SLC7A1: variants seen among roughly 807,000 people sequenced by gnomAD.
The protein encoded by SLC7A1 is high affinity cationic amino acid transporter 1.
In SLC7A1, 10 loss-of-function variants were observed where a neutral mutation model predicts 53.9. That is an observed-to-expected ratio of 0.19 (90% confidence interval 0.11 to 0.31). The LOEUF is 0.31. SLC7A1 is among the 10% of genes least tolerant of loss of function. The pLI is 1.00. For missense variants in SLC7A1, 525 were observed against 827.2 expected, an observed-to-expected ratio of 0.63 and a Z score of 4.48; for synonymous variants, 342 against 338.7, an observed-to-expected ratio of 1.01 and a Z score of -0.11.
intron 2 of SLC7A1, among the ~76,000 whole-genome samples, chr13:29,536,899 CT>C (rs199660864): frequency 0.012 from 1,762 of 152,336 alleles, 26 homozygotes; most frequent in African/African-American, 0.039. Flanking sequence ...ATATGCATAT[CT>C]GATATGCTCT....
At chr13:29,581,740 G>C (rs1160066209) in intron 1 of SLC7A1, among the ~76,000 whole-genome samples, 1 of 152,090 alleles carries the variant, frequency 6.6e-6, no homozygotes, top group Non-Finnish European at 1.5e-5. Context: ...CACCTCATCT[G>C]CCCATTAATT....
chr13:29,553,043 C>T lies in SLC7A1; in HGVS notation c.-15+718G>A, dbSNP rs280946. Among the ~76,000 whole-genome samples the T allele has an allele frequency of 3.0e-3, 450 of 152,270 alleles. 3 individuals are homozygous for T. The highest frequency in any genetic ancestry group is 0.01 in the African/African-American group (422 of 41,552). ...GACCGCCCCCCTGCCCCACTTGGCT[C>T]TTATGCCCACTTGGAATTAACTCTC... On this transcript the variant is annotated intron_variant, in intron 2 of 12. Coordinates refer to ENST00000380752, the MANE Select transcript of SLC7A1 (RefSeq NM_003045.5).
In SLC7A1 at chr13:29,513,720, G is replaced by C. The variant is rs1050534833; in HGVS notation, c.*760C>G. On this transcript the variant is annotated 3_prime_UTR_variant, in exon 13 of 13. Transcript: ENST00000380752. ...AGCAAGAACTGGCCCAGGCCTGGAG[G>C]CCGTGAGCTGAAGGTCCCTGGTTTA... 1 of 152,784 alleles carries C rather than the reference G, an allele frequency of 6.5e-6. No individual in the cohort carries two copies. The highest frequency in any genetic ancestry group is 2.4e-5 in the African/African-American group (1 of 41,492). 9.5% of individuals were successfully genotyped at this position (152,784 alleles called of 1,614,324 possible).
At chr13:29,533,103 A>T in intron 3 of SLC7A1, 121 bp from the exon 4 acceptor site, 1 of 960,106 alleles carries the variant, frequency 1.0e-6, no homozygotes, top group Non-Finnish European at 1.5e-6. Flanking sequence ...GGAATCTGGC[A>T]GCAGCAGCCA....
At chr13:29,536,995 C>T (rs889460695) in intron 2 of SLC7A1, among the ~76,000 whole-genome samples, 4 of 152,376 alleles carry the variant, frequency 2.6e-5, no homozygotes, top group African/African-American at 9.6e-5. Flanking sequence ...ACACCTTGTG[C>T]CTTGTGGGAT....
intron 1 of SLC7A1, among the ~76,000 whole-genome samples, chr13:29,566,783 TG>T (rs1162601736): frequency 2.0e-5 from 3 of 152,226 alleles, no homozygotes; most frequent in Admixed American, 6.5e-5. Flanking sequence ...AACTATTTTT[TG>T]TAAAAAAAGT....
chr13:29,583,702 A>G (rs1871752254), intron 1 of SLC7A1, among the ~76,000 whole-genome samples: 1 of 152,202 alleles, frequency 6.6e-6, no homozygotes, highest in Non-Finnish European at 1.5e-5. Flanking sequence ...CAGACCACAG[A>G]GTCTTTCAGT....
At chr13:29,582,577 A>AG (rs1288115393) in intron 1 of SLC7A1, among the ~76,000 whole-genome samples, 3 of 152,238 alleles carry the variant, frequency 2.0e-5, no homozygotes, top group African/African-American at 7.2e-5. Context: ...TGGGCAGATC[A>AG]GGTCTCCCTG....
chr13:29,579,337 C>T (rs1871544549), intron 1 of SLC7A1, among the ~76,000 whole-genome samples: 5 of 151,616 alleles, frequency 3.3e-5, no homozygotes, highest in Admixed American at 3.3e-4. Context: ...CTGCCCCTGT[C>T]ATGAATGGAT....
intron 1 of SLC7A1, among the ~76,000 whole-genome samples, chr13:29,573,399 G>T (rs1400409679): frequency 6.6e-6 from 1 of 152,144 alleles, no homozygotes; most frequent in South Asian, 2.1e-4. Context: ...CCAGAATCGC[G>T]GGGAACACCA....
intron 8 of SLC7A1, among the ~76,000 whole-genome samples, chr13:29,521,947 A>C (rs779350403): frequency 1.2e-4 from 18 of 152,230 alleles, no homozygotes; most frequent in Non-Finnish European, 2.5e-4. Flanking sequence ...CCGAATTTCC[A>C]GGTACTGGCG....
Position 29,517,629 on chromosome 13 carries a change from T to A in SLC7A1, c.1454A>T (p.Asn485Ile). 1 of 1,613,984 alleles carries A rather than the reference T, an allele frequency of 6.2e-7. No individual in the cohort carries two copies. The highest frequency in any genetic ancestry group is 8.5e-7 in the Non-Finnish European group (1 of 1,179,854). ...CCCAGAGATTTTGGAAGGCTCCATG[T>A]TTTTGGGTGAGAGTATGGTTTTCAA... is the stretch of plus-strand genomic sequence containing the variant. ...FSLKTILSPK[N>I]MEPSKISGLI... The change falls in exon 10 of 13, where the codon AAC becomes ATC. Residue 485 changes from asparagine (N) to isoleucine (I), a missense_variant. Coordinates refer to ENST00000380752, the MANE Select transcript of SLC7A1 (RefSeq NM_003045.5).
At chr13:29,578,094 G>A (rs371174604) in intron 1 of SLC7A1, among the ~76,000 whole-genome samples, 11 of 152,200 alleles carry the variant, frequency 7.2e-5, no homozygotes, top group African/African-American at 2.4e-4. Flanking sequence ...GAGACTCTGA[G>A]GGCATTTCTT....
chr13:29,546,022 C>T (rs1197508339), intron 2 of SLC7A1, among the ~76,000 whole-genome samples: 1 of 152,182 alleles, frequency 6.6e-6, no homozygotes, highest in African/African-American at 2.4e-5. Context: ...ACAACAAAAA[C>T]AGGTATCCTA....
intron 1 of SLC7A1, among the ~76,000 whole-genome samples, chr13:29,593,612 A>G (rs1872193397): frequency 6.6e-6 from 1 of 152,266 alleles, no homozygotes; most frequent in Non-Finnish European, 1.5e-5. Flanking sequence ...GCCCTCCAAC[A>G]TAATTATCTA....
chr13:29,592,079 G>A (rs1872133428), intron 1 of SLC7A1, among the ~76,000 whole-genome samples: 1 of 152,192 alleles, frequency 6.6e-6, no homozygotes, highest in Non-Finnish European at 1.5e-5. Flanking sequence ...AGCCAGAGAA[G>A]CCAGGAGCGG....
intron 2 of SLC7A1, among the ~76,000 whole-genome samples, chr13:29,540,598 G>A (rs889158712): frequency 3.9e-5 from 6 of 152,186 alleles, no homozygotes; most frequent in African/African-American, 1.4e-4. Flanking sequence ...CAGCTTAATG[G>A]CTTCCCTGGG....
At chr13:29,572,930 A>G (rs1313411744) in intron 1 of SLC7A1, among the ~76,000 whole-genome samples, 1 of 152,196 alleles carries the variant, frequency 6.6e-6, no homozygotes, top group Non-Finnish European at 1.5e-5. Context: ...TGGAAGGGAT[A>G]AGTGGTCCAG....
chr13:29,528,144 C>T (rs763172352), intron 5 of SLC7A1, among the ~76,000 whole-genome samples: 2 of 152,238 alleles, frequency 1.3e-5, no homozygotes, highest in Non-Finnish European at 2.9e-5. Flanking sequence ...CTGGGTGAAG[C>T]GACAAGCTGG....
Sources: allele counts gnomAD v4.1 joint callset (sites outside exome capture counted in the v4.1 genomes callset), GRCh38; gene constraint gnomAD v4.1.1; transcripts MANE v1.5; gene names NCBI Gene and HGNC (gene_info 2026-07-23, HGNC 2026-07-21).